The following SENP7 variants were observed in gnomAD, a reference collection of about 807,000 sequenced individuals.
SENP7 encodes SUMO specific peptidase 7.
SENP7 carries 64 observed loss-of-function variants against 141.2 expected under a neutral mutation model. The observed-to-expected ratio is 0.45, with a 90% CI of 0.37 to 0.56. SENP7 has a LOEUF of 0.56. SENP7 is among the 20% of genes least tolerant of loss of function. The pLI is 0.00. For synonymous variants in SENP7, 382 were observed against 426.4 expected, an observed-to-expected ratio of 0.90 and a Z score of 1.28; for missense variants, 1,025 against 1,212.2, an observed-to-expected ratio of 0.85 and a Z score of 2.29.
At chr3:101,423,107 A>G (rs2061840279) in intron 4 of SENP7, among the ~76,000 whole-genome samples, 1 of 152,204 alleles carries the variant, frequency 6.6e-6, no homozygotes, top group African/African-American at 2.4e-5. Context: ...CCTTCAAAAA[A>G]AAATGGACAA....
chr3:101,400,685 G>A (rs2061109899), intron 5 of SENP7, among the ~76,000 whole-genome samples: 1 of 150,292 alleles, frequency 6.7e-6, no homozygotes, highest in Admixed American at 6.7e-5. Context: ...CTCTCCTCAG[G>A]CCTCCTCCCT....
At chr3:101,427,080 A>G (rs986801411) in intron 4 of SENP7, among the ~76,000 whole-genome samples, 5 of 152,228 alleles carry the variant, frequency 3.3e-5, no homozygotes, top group Non-Finnish European at 7.3e-5. Flanking sequence ...ACATCAATGC[A>G]AAAGTCCTCA....
intron 3 of SENP7, among the ~76,000 whole-genome samples, chr3:101,465,731 G>A (rs1022304803): frequency 2.0e-5 from 3 of 151,522 alleles, no homozygotes; most frequent in Non-Finnish European, 4.4e-5. Context: ...AAAGACATGA[G>A]AAACATGAAA....
chr3:101,418,799 A>G lies in SENP7; in HGVS notation c.285-1009T>C, dbSNP rs531154579. Among the ~76,000 whole-genome samples, 37 of 152,262 alleles carry G rather than the reference A, an allele frequency of 2.4e-4. 1 individual carries two copies. The highest frequency in any genetic ancestry group is 8.3e-4 in the South Asian group (4 of 4,824). On this transcript the variant is annotated intron_variant, in intron 4 of 23. Coordinates refer to ENST00000394095, the MANE Select transcript of SENP7 (RefSeq NM_020654.5). ...CCATAGAACACTGAAAACTCCAAAC[A>G]TGTTGCACACACACAAAAAAAAATT...
intron 5 of SENP7, among the ~76,000 whole-genome samples, chr3:101,402,099 CTAAGA>C (rs1266891118): frequency 6.6e-6 from 1 of 151,774 alleles, no homozygotes; most frequent in Non-Finnish European, 1.5e-5. Flanking sequence ...GAAGATCTAG[CTAAGA>C]TAAGTGATGA....
intron 4 of SENP7, among the ~76,000 whole-genome samples, chr3:101,436,353 T>C (rs1180601420): frequency 3.9e-5 from 6 of 152,202 alleles, no homozygotes; most frequent in African/African-American, 1.4e-4. Flanking sequence ...CTCCAGGACA[T>C]TGGTCTGGGC....
At chr3:101,420,150 G>A (rs1397191038) in intron 4 of SENP7, among the ~76,000 whole-genome samples, 1 of 152,154 alleles carries the variant, frequency 6.6e-6, no homozygotes, top group Non-Finnish European at 1.5e-5. Flanking sequence ...GGTGGATCAC[G>A]AGGTGAGGAG....
chr3:101,506,744 T>G (rs886093697), intron 1 of SENP7, among the ~76,000 whole-genome samples: 6 of 152,210 alleles, frequency 3.9e-5, no homozygotes, highest in African/African-American at 7.2e-5. Flanking sequence ...AAATGGTTCT[T>G]GGAAAGGCAC....
chr3:101,454,857 T>C (rs1419463217), intron 4 of SENP7, among the ~76,000 whole-genome samples: 1 of 152,146 alleles, frequency 6.6e-6, no homozygotes, highest in Non-Finnish European at 1.5e-5. Flanking sequence ...TGGAAAGTGG[T>C]TGTAAATGAG....
At position 101,372,087 on chromosome 3, in the gene SENP7, T is replaced by C; in HGVS notation, c.717A>G (p.Ala239=). 1 of 1,569,662 alleles carries C rather than the reference T, an allele frequency of 6.4e-7. No individual in the cohort carries two copies. ...TTTCTTTATTGTGCGCAGTCTGCTT[T>C]GCAGAATTGTCATCTACTGTCTTAC... ...QRSKTVDDNS[A]KQTAHNKEKR... is the part of the protein sequence containing the mutation. Residue 239 remains alanine (A), a synonymous_variant, in exon 7 of 24, where the codon GCA becomes GCG. Coordinates refer to ENST00000394095, the MANE Select transcript of SENP7 (RefSeq NM_020654.5).
intron 4 of SENP7, among the ~76,000 whole-genome samples, chr3:101,434,471 T>C (rs1349095021): frequency 6.6e-6 from 1 of 151,804 alleles, no homozygotes; most frequent in African/African-American, 2.4e-5. Flanking sequence ...TACAAAAGAT[T>C]AATGAAACAA....
intron 6 of SENP7, among the ~76,000 whole-genome samples, chr3:101,387,273 C>T (rs1230641705): frequency 1.1e-4 from 16 of 152,194 alleles, no homozygotes; most frequent in Admixed American, 1.0e-3. Context: ...ACCACCAGTA[C>T]CAGCACATAC....
intron 3 of SENP7, among the ~76,000 whole-genome samples, chr3:101,464,213 G>A (rs1411587683): frequency 6.6e-6 from 1 of 152,080 alleles, no homozygotes; most frequent in Non-Finnish European, 1.5e-5. Flanking sequence ...CTCAACAGAG[G>A]AACAAAATTA....
intron 4 of SENP7, among the ~76,000 whole-genome samples, chr3:101,451,946 T>C (rs926008544): frequency 5.9e-5 from 9 of 152,194 alleles, no homozygotes; most frequent in South Asian, 2.1e-4. Context: ...GATGACATGA[T>C]TGTATATCTA....
intron 1 of SENP7, among the ~76,000 whole-genome samples, chr3:101,502,456 C>T (rs2065423532): frequency 6.6e-6 from 1 of 152,188 alleles, no homozygotes; most frequent in African/African-American, 2.4e-5. Context: ...GTATGCGCCA[C>T]CATGCCAGGC....
chr3:101,403,657 T>C (rs1347398466), intron 5 of SENP7, among the ~76,000 whole-genome samples: 22 of 152,178 alleles, frequency 1.4e-4, no homozygotes, highest in Admixed American at 1.4e-3. Context: ...CTGCAACAAC[T>C]ATCTAGAAAA....
At chr3:101,464,944 T>C (rs2063710574) in intron 3 of SENP7, among the ~76,000 whole-genome samples, 1 of 152,172 alleles carries the variant, frequency 6.6e-6, no homozygotes, top group Non-Finnish European at 1.5e-5. Context: ...TTTAATGTTA[T>C]GCTTTATTTA....
At chr3:101,507,690 C>A (rs1272281827) in intron 1 of SENP7, among the ~76,000 whole-genome samples, 1 of 152,058 alleles carries the variant, frequency 6.6e-6, no homozygotes, top group Non-Finnish European at 1.5e-5. Flanking sequence ...CCTTCCCCAC[C>A]GCCACCATCT....
chr3:101,396,685 A>G (rs2060976788), intron 6 of SENP7, among the ~76,000 whole-genome samples: 1 of 152,228 alleles, frequency 6.6e-6, no homozygotes, highest in African/African-American at 2.4e-5. Flanking sequence ...CATTAACCCA[A>G]GAGCAAAAAA....
Sources: allele counts gnomAD v4.1 joint callset (sites outside exome capture counted in the v4.1 genomes callset), GRCh38; gene constraint gnomAD v4.1.1; transcripts MANE v1.5; gene names NCBI Gene and HGNC (gene_info 2026-07-23, HGNC 2026-07-21).